The following IGFBP7 variants were observed in gnomAD, a reference collection of about 807,000 sequenced individuals.
IGFBP7 encodes insulin like growth factor binding protein 7, also known as insulin-like growth factor-binding protein 7.
In IGFBP7, 31 loss-of-function variants were observed where a neutral mutation model predicts 29.4. That is an observed-to-expected ratio of 1.05 (90% CI 0.79 to 1.42). The LOEUF (loss-of-function observed/expected upper bound fraction) is 1.42. Among genes scored for constraint, IGFBP7 ranks in the 40% most tolerant of loss-of-function variants. The pLI is 0.00. For missense variants in IGFBP7, 393 were observed against 395.5 expected (o/e 0.99, Z 0.05); for synonymous variants, 172 against 174.9 (o/e 0.98, Z 0.13).
chr4:57,031,199 C>A lies in IGFBP7; in HGVS notation c.*118G>T. 1 of 881,380 alleles carries A rather than the reference C, an allele frequency of 1.1e-6. No individual in the cohort carries two copies. Among genetic ancestry groups the A allele is most frequent in the Middle Eastern group, 2.2e-4 (1 of 4,488 alleles). The allele number at this position is 881,380 out of a possible 1,614,324, so 54.6% of individuals were successfully genotyped here. A position where few individuals can be genotyped will look rare whatever the true frequency, so the allele number is the denominator to read the frequency against. ...TATTTTGTATTTCTCTGTGTAAAAC[C>A]AGTGAATATAACTAAAGTGTTAGTG... is the stretch of plus-strand genomic sequence containing the variant. On this transcript the variant is annotated 3_prime_UTR_variant, in exon 5 of 5. Coordinates refer to ENST00000295666, the MANE Select transcript of IGFBP7 (RefSeq NM_001553.3).
chr4:57,078,704 G>A (rs759285812), intron 1 of IGFBP7, among the ~76,000 whole-genome samples: 24 of 150,164 alleles, frequency 1.6e-4, no homozygotes, highest in Admixed American at 2.7e-4. Context: ...TTTTTAAAGA[G>A]CTCTACCATG....
Position 57,106,278 on chromosome 4 carries a change from T to C in IGFBP7, c.475+3599A>G, listed in dbSNP as rs981318652. Reference sequence around the variant, plus strand: ...GTAATGTGCCAATGTCATAAAAGGTTTGGGGGCGACATACCTCACACATGT... The same window carrying C: ...GTAATGTGCCAATGTCATAAAAGGTCTGGGGGCGACATACCTCACACATGT... On this transcript the variant is annotated intron_variant, in intron 1 of 4. Transcript: ENST00000295666. Among the ~76,000 whole-genome samples, 6 of 152,122 alleles carry C rather than the reference T, an allele frequency of 3.9e-5. No homozygotes were observed. The East Asian group carries it at 1.2e-3, about 29-fold the overall frequency.
intron 1 of IGFBP7, among the ~76,000 whole-genome samples, chr4:57,082,545 C>A (rs916186056): frequency 5.3e-5 from 8 of 151,960 alleles, no homozygotes; most frequent in Non-Finnish European, 8.8e-5. Flanking sequence ...AAGAAAAGAA[C>A]CTTCGAAATT....
chr4:57,057,608 C>T (rs7654665), intron 1 of IGFBP7, among the ~76,000 whole-genome samples: 8,349 of 152,236 alleles, frequency 0.055, 314 homozygotes, highest in Non-Finnish European at 0.082. Flanking sequence ...TCAGTACTCC[C>T]GAAATTGGCC....
At chr4:57,109,643 G>C in intron 1 of IGFBP7, 1 of 573,414 alleles carries the variant, frequency 1.7e-6, no homozygotes. Flanking sequence ...TCACTTTCTG[G>C]ACGCACGCAG....
intron 2 of IGFBP7, among the ~76,000 whole-genome samples, chr4:57,038,176 C>T (rs547632861): frequency 3.9e-5 from 6 of 152,238 alleles, no homozygotes; most frequent in Non-Finnish European, 5.9e-5. Context: ...CGCATCCCTC[C>T]GGCCGCATGG....
At chr4:57,065,046 G>A (rs564340362) in intron 1 of IGFBP7, among the ~76,000 whole-genome samples, 31 of 152,350 alleles carry the variant, frequency 2.0e-4, no homozygotes, top group Admixed American at 8.5e-4. Context: ...AGATAAGGCT[G>A]GCTCCAGGGA....
intron 1 of IGFBP7, among the ~76,000 whole-genome samples, chr4:57,094,455 T>C (rs973653507): frequency 8.5e-5 from 13 of 152,144 alleles, no homozygotes; most frequent in Non-Finnish European, 1.6e-4. Context: ...GGGAAGGCTG[T>C]GCAGAGAAAT....
rs145342614 is a variant in IGFBP7 at position 57,038,044 on chromosome 4, A to T, written c.585+2780T>A. Among the ~76,000 whole-genome samples the T allele has an allele frequency of 8.9e-3, 1,358 of 152,274 alleles. 11 individuals are homozygous for T. The highest frequency in any genetic ancestry group is 0.031 in the African/African-American group (1,289 of 41,558). Reference sequence around the variant, plus strand: ...TTATTGCTCCTTTAAGAGAAGCTTCACTGTAAAGGATGGTATAGTAGTGTT... The same window carrying T: ...TTATTGCTCCTTTAAGAGAAGCTTCTCTGTAAAGGATGGTATAGTAGTGTT... On this transcript the variant is annotated intron_variant, in intron 2 of 4. Coordinates refer to ENST00000295666, the MANE Select transcript of IGFBP7 (RefSeq NM_001553.3).
At chr4:57,071,846 A>C (rs112817222) in intron 1 of IGFBP7, among the ~76,000 whole-genome samples, 213 of 152,268 alleles carry the variant, frequency 1.4e-3, no homozygotes, top group Middle Eastern at 3.4e-3. Context: ...ATTATTAAAA[A>C]TGTCCTAGGC....
intron 2 of IGFBP7, among the ~76,000 whole-genome samples, chr4:57,034,491 C>T (rs938411532): frequency 2.6e-5 from 4 of 151,848 alleles, no homozygotes; most frequent in Admixed American, 2.0e-4. Context: ...TTTTCATTTT[C>T]TTCTATAATA....
intron 1 of IGFBP7, among the ~76,000 whole-genome samples, chr4:57,048,868 G>A (rs1724430823): frequency 6.6e-6 from 1 of 152,188 alleles, no homozygotes; most frequent in South Asian, 2.1e-4. Context: ...ATAGCCAAAA[G>A]ACCTTGGACA....
intron 1 of IGFBP7, among the ~76,000 whole-genome samples, chr4:57,062,587 C>A (rs1724824668): frequency 6.6e-6 from 1 of 152,046 alleles, no homozygotes. Flanking sequence ...GAAGTCCTAC[C>A]CATATCTTAG....
intron 2 of IGFBP7, among the ~76,000 whole-genome samples, chr4:57,034,049 C>CA (rs35304758): frequency 0.15 from 14,519 of 96,430 alleles, 1,790 homozygotes; most frequent in East Asian, 0.4. Flanking sequence ...GACTCCATCT[C>CA]AAAAAAAAAA....
At chr4:57,092,485 C>A (rs1725664885) in intron 1 of IGFBP7, among the ~76,000 whole-genome samples, 1 of 152,066 alleles carries the variant, frequency 6.6e-6, no homozygotes, top group Admixed American at 6.6e-5. Flanking sequence ...GTACAACTCT[C>A]AATGGTCTCT....
rs552923222 is a variant in IGFBP7, at chr4:57,089,864, A to G, written c.475+20013T>C. ...TGTGGCTGGCATTGTCCTTTTCTCT[A>G]TTCCTTCTAAATGTCTTTAATGATG... On this transcript the variant is annotated intron_variant, in intron 1 of 4. Transcript: ENST00000295666. Among the ~76,000 whole-genome samples the G allele has an allele frequency of 9.9e-5, 15 of 152,162 alleles. 1 individual carries two copies. The South Asian group carries it at 2.7e-3, about 27-fold the overall frequency.
intron 1 of IGFBP7, among the ~76,000 whole-genome samples, chr4:57,095,428 T>G (rs1159680058): frequency 6.6e-6 from 1 of 152,206 alleles, no homozygotes; most frequent in East Asian, 1.9e-4. Context: ...TGCCTTCCTC[T>G]GCTACTGTTT....
intron 1 of IGFBP7, among the ~76,000 whole-genome samples, chr4:57,067,179 T>G (rs984672944): frequency 6.6e-6 from 1 of 152,216 alleles, no homozygotes; most frequent in Non-Finnish European, 1.5e-5. Flanking sequence ...TCTTAACATG[T>G]TCTTTGTACC....
chr4:57,084,489 T>C (rs528724210), intron 1 of IGFBP7, among the ~76,000 whole-genome samples: 2 of 152,340 alleles, frequency 1.3e-5, no homozygotes, highest in African/African-American at 4.8e-5. Flanking sequence ...TATACTATTC[T>C]GATGTCGGCA....
Sources: gnomAD v4.1 joint callset for allele counts (sites outside exome capture counted in the v4.1 genomes callset) on GRCh38, gnomAD v4.1.1 for gene constraint, MANE v1.5 for transcripts, NCBI Gene and HGNC (gene_info 2026-07-23, HGNC 2026-07-21) for gene names.